GABRA3: variants seen among roughly 807,000 people sequenced by gnomAD.
The protein encoded by GABRA3 is gamma-aminobutyric acid type A receptor subunit alpha3.
GABRA3 carries 10 observed loss-of-function variants against 30.1 expected under a neutral mutation model. The observed-to-expected ratio is 0.33, with a 90% confidence interval of 0.20 to 0.56. The LOEUF is 0.56. GABRA3 is among the 20% of genes least tolerant of loss of function. The pLI is 0.89. For synonymous variants in GABRA3, 151 were observed against 146.8 expected, an observed-to-expected ratio of 1.03 and a Z score of -0.21; for missense variants, 233 against 392.0, an observed-to-expected ratio of 0.59 and a Z score of 3.42.
At chrX:152,219,217 G>A (rs1937785925) in intron 6 of GABRA3, among the ~76,000 whole-genome samples, 1 of 110,498 alleles carries the variant, frequency 9.0e-6, no homozygotes, top group Non-Finnish European at 1.9e-5. Context: ...TAGTTGTATG[G>A]CTTTAAACAT....
rs146908794 is a variant in GABRA3, at chrX:152,433,167, A to T, written c.-27+17979T>A. Among the ~76,000 whole-genome samples, 762 of 111,089 alleles carry T rather than the reference A, an allele frequency of 6.9e-3. 1 individual carries two copies. Among genetic ancestry groups the T allele is most frequent in the Non-Finnish European group, 0.011 (569 of 52,844 alleles). ...TATTTGATGAATAATATCTACCAAAAAACCTAGAGGAAATACCATACACAA... is the reference window on the plus strand; with the variant it reads ...TATTTGATGAATAATATCTACCAAATAACCTAGAGGAAATACCATACACAA... On this transcript the variant is annotated intron_variant, in intron 1 of 9. Coordinates refer to ENST00000370314, the MANE Select transcript of GABRA3 (RefSeq NM_000808.4).
At position 152,284,775 on chromosome X, in the gene GABRA3, G is replaced by C. The variant is rs746849925; in HGVS notation, c.263-40C>G. 7.9e-6 allele frequency: 8 copies of C among 1,011,635 alleles called. No individual in the cohort carries two copies. The Admixed American group carries it at 1.6e-4, about 20-fold the overall frequency. 83.4% of individuals were successfully genotyped at this position (1,011,635 alleles called of 1,213,427 possible). A position where few individuals can be genotyped will look rare whatever the true frequency, so the allele number is the denominator to read the frequency against. ...GTAGAAAAGCAGAATGTCAGGAAAG[G>C]CTTTTGTCTTAGCTCAGAGAGAGTC... On this transcript the variant is annotated intron_variant, in intron 3 of 9. Coordinates refer to ENST00000370314, the MANE Select transcript of GABRA3 (RefSeq NM_000808.4).
intron 5 of GABRA3, among the ~76,000 whole-genome samples, chrX:152,253,906 A>G (rs1603226727): frequency 8.9e-6 from 1 of 111,773 alleles, no homozygotes; most frequent in South Asian, 3.8e-4. Flanking sequence ...CAATAATCAG[A>G]AGCCTAGCTG....
In GABRA3 at chrX:152,247,564, T is replaced by A. The variant is rs183146280; in HGVS notation, c.551+8214A>T. On this transcript the variant is annotated intron_variant, in intron 5 of 9. Transcript: ENST00000370314. ...TCTATTGAAACTTCAGTTTACTAAG[T>A]GTAAAAATAGGGATGTTAACAATAA... is the stretch of plus-strand genomic sequence containing the variant. Among the ~76,000 whole-genome samples, 253 of 111,811 alleles carry A rather than the reference T, an allele frequency of 2.3e-3. 2 individuals are homozygous for A. The highest frequency in any genetic ancestry group is 6.8e-3 in the African/African-American group (210 of 30,849).
chrX:152,337,634 G>C lies in GABRA3; in HGVS notation c.262+7947C>G, dbSNP rs187534462. ...GTTTGAGCCCAGGAGTTCAAGACCAGCCTGGGCAACATAGTGAGACCCTGT... is the reference window on the plus strand; with the variant it reads ...GTTTGAGCCCAGGAGTTCAAGACCACCCTGGGCAACATAGTGAGACCCTGT... On this transcript the variant is annotated intron_variant, in intron 3 of 9. Coordinates refer to ENST00000370314, the MANE Select transcript of GABRA3 (RefSeq NM_000808.4). Among the ~76,000 whole-genome samples, 420 of 110,918 alleles carry C rather than the reference G, an allele frequency of 3.8e-3. 1 individual carries two copies. The highest frequency in any genetic ancestry group is 6.0e-3 in the Non-Finnish European group (320 of 52,940).
intron 9 of GABRA3, among the ~76,000 whole-genome samples, chrX:152,174,136 C>A (rs1159019606): frequency 9.0e-6 from 1 of 111,186 alleles, no homozygotes; most frequent in African/African-American, 3.3e-5. Flanking sequence ...TTTTTTATGG[C>A]TGCATAGTAT....
At chrX:152,369,789 G>C (rs1354534124) in intron 1 of GABRA3, among the ~76,000 whole-genome samples, 1 of 110,110 alleles carries the variant, frequency 9.1e-6, no homozygotes, top group Non-Finnish European at 1.9e-5. Context: ...TGGGGATGAG[G>C]ATTTTGGTTT....
At chrX:152,251,080 G>T in intron 5 of GABRA3, 1 of 318,912 alleles carries the variant, frequency 3.1e-6, no homozygotes, top group Non-Finnish European at 6.1e-6. Context: ...TTGAGCCTAT[G>T]TCTCCCTCCA....
intron 1 of GABRA3, among the ~76,000 whole-genome samples, chrX:152,377,962 C>T (rs1386035432): frequency 2.7e-5 from 3 of 111,930 alleles, no homozygotes; most frequent in African/African-American, 3.3e-5. Context: ...ACAAAACGAT[C>T]CCCCTGCAAA....
chrX:152,311,639 C>G (rs1468899012), intron 3 of GABRA3, among the ~76,000 whole-genome samples: 1 of 111,731 alleles, frequency 9.0e-6, no homozygotes, highest in African/African-American at 3.2e-5. Context: ...AAAACAAGAA[C>G]AAGACATGGA....
At chrX:152,185,263 A>G (rs1937237432) in intron 9 of GABRA3, among the ~76,000 whole-genome samples, 2 of 111,738 alleles carry the variant, frequency 1.8e-5, no homozygotes, top group South Asian at 3.7e-4. Flanking sequence ...TCTGCATTCC[A>G]TCTTTTTTTC....
chrX:152,446,809 C>A (rs911950570), intron 1 of GABRA3, among the ~76,000 whole-genome samples: 1 of 111,981 alleles, frequency 8.9e-6, no homozygotes, highest in Admixed American at 9.5e-5. Flanking sequence ...GGAGTTGCAT[C>A]TCCTTTGCAT....
At chrX:152,183,731 T>A (rs1937216570) in intron 9 of GABRA3, among the ~76,000 whole-genome samples, 3 of 111,562 alleles carry the variant, frequency 2.7e-5, no homozygotes, top group Admixed American at 1.9e-4. Flanking sequence ...TGGCTGCAAC[T>A]CATAAGTTTT....
intron 2 of GABRA3, among the ~76,000 whole-genome samples, chrX:152,346,531 G>A (rs1457768520): frequency 8.9e-6 from 1 of 111,827 alleles, no homozygotes; most frequent in Admixed American, 9.5e-5. Context: ...AGCAAAGGAA[G>A]CAATCAACAA....
intron 5 of GABRA3, among the ~76,000 whole-genome samples, chrX:152,249,857 G>T (rs1012237687): frequency 9.0e-5 from 10 of 110,783 alleles, no homozygotes; most frequent in African/African-American, 3.3e-4. Flanking sequence ...TTAGGTCTCA[G>T]AAATCATTCA....
At chrX:152,319,865 A>T (rs1939934974) in intron 3 of GABRA3, among the ~76,000 whole-genome samples, 1 of 111,348 alleles carries the variant, frequency 9.0e-6, no homozygotes. Flanking sequence ...ATAATGAATT[A>T]AAAAAATAGC....
chrX:152,172,923 TAAG>T (rs1296791000), intron 9 of GABRA3, among the ~76,000 whole-genome samples: 1 of 106,602 alleles, frequency 9.4e-6, no homozygotes, highest in African/African-American at 3.4e-5. Flanking sequence ...TCAAATTGAT[TAAG>T]GTTATATATA....
Position 152,255,849 on chromosome X carries a change from C to T in GABRA3, c.480G>A (p.Val160=). The T allele has an allele frequency of 8.3e-7, 1 of 1,211,342 alleles. No homozygotes were observed. Among genetic ancestry groups the T allele is most frequent in the Non-Finnish European group, 1.1e-6 (1 of 895,335 alleles). ...TGTTGGGCGTGGTCATGTTATGAGC[C>T]ACTGATTTCTTGCCATTGTGGAAGA... The part of the protein sequence containing the change: ...DTFFHNGKKS[V]AHNMTTPNKL... Residue 160 remains valine, a synonymous_variant, in exon 5 of 10, where the codon GTG becomes GTA. Coordinates refer to ENST00000370314, the MANE Select transcript of GABRA3 (RefSeq NM_000808.4).
chrX:152,428,275 C>A (rs1331540685), intron 1 of GABRA3, among the ~76,000 whole-genome samples: 2 of 112,033 alleles, frequency 1.8e-5, no homozygotes, highest in African/African-American at 6.5e-5. Context: ...AAAACATGCA[C>A]CCTGCAGACA....
Sources: gnomAD v4.1 joint callset for allele counts (sites outside exome capture counted in the v4.1 genomes callset) on GRCh38, gnomAD v4.1.1 for gene constraint, MANE v1.5 for transcripts, NCBI Gene and HGNC (gene_info 2026-07-23, HGNC 2026-07-21) for gene names.